ROBO1: variants seen among roughly 807,000 people sequenced by gnomAD.
ROBO1 encodes roundabout homolog 1.
ROBO1 carries 149 observed loss-of-function variants against 195.9 expected under a neutral mutation model. The ratio of observed to expected loss-of-function variants is 0.76; its 90% CI spans 0.67 to 0.87. The LOEUF is 0.87. ROBO1 is among the 40% of genes least tolerant of loss of function. The pLI is 0.00. For synonymous variants in ROBO1, 816 were observed against 733.2 expected (o/e 1.11, Z -1.82); for missense variants, 1,933 against 2,068.3 (o/e 0.93, Z 1.27).
intron 4 of ROBO1, among the ~76,000 whole-genome samples, chr3:78,829,590 G>A (rs1039507896): frequency 6.6e-6 from 1 of 152,148 alleles, no homozygotes; most frequent in Admixed American, 6.5e-5. Flanking sequence ...CATGAGGGGA[G>A]ATCTGTGATA....
rs146048426 is a variant in ROBO1 at position 79,568,967 on chromosome 3, A to G, written c.88+20857T>C. ...TATTTAACTCAATTCTTTCGACAGT[A>G]TAATACACTAAGAGGAAATAAGTTA... On this transcript the variant is annotated intron_variant, in intron 2 of 30. Transcript: ENST00000464233. Among the ~76,000 whole-genome samples, 318 of 152,322 alleles carry G rather than the reference A, an allele frequency of 2.1e-3. 1 individual carries two copies. The highest frequency in any genetic ancestry group is 7.2e-3 in the African/African-American group (301 of 41,580).
chr3:79,570,962 G>A (rs1943258403), intron 2 of ROBO1, among the ~76,000 whole-genome samples: 1 of 152,036 alleles, frequency 6.6e-6, no homozygotes, highest in Admixed American at 6.6e-5. Flanking sequence ...AAATTAGAGA[G>A]GATTATAATA....
At chr3:78,623,592 T>G (rs2107451226) in intron 26 of ROBO1, among the ~76,000 whole-genome samples, 1 of 152,268 alleles carries the variant, frequency 6.6e-6, no homozygotes, top group Middle Eastern at 3.4e-3. Flanking sequence ...AGAGACTTGA[T>G]CAGTGTTTCA....
intron 2 of ROBO1, among the ~76,000 whole-genome samples, chr3:79,370,289 C>T (rs1464311786): frequency 6.6e-6 from 1 of 151,708 alleles, no homozygotes; most frequent in South Asian, 2.1e-4. Context: ...GCCTGGGAGG[C>T]GGAGGTTGCA....
chr3:79,059,140 T>C (rs1292174789), intron 3 of ROBO1, among the ~76,000 whole-genome samples: 1 of 152,132 alleles, frequency 6.6e-6, no homozygotes, highest in East Asian at 1.9e-4. Flanking sequence ...GATTTCTTCA[T>C]CACCCCGTAT....
intron 2 of ROBO1, among the ~76,000 whole-genome samples, chr3:79,412,169 A>T (rs1308735336): frequency 6.6e-6 from 1 of 152,156 alleles, no homozygotes; most frequent in African/African-American, 2.4e-5. Flanking sequence ...AAATTTTTAA[A>T]AAGCAGGTAT....
chr3:79,581,589 C>G (rs1943662471), intron 2 of ROBO1, among the ~76,000 whole-genome samples: 1 of 152,106 alleles, frequency 6.6e-6, no homozygotes, highest in Non-Finnish European at 1.5e-5. Flanking sequence ...TTATTAAGAT[C>G]TCATCTTCAA....
intron 8 of ROBO1, among the ~76,000 whole-genome samples, chr3:78,708,153 T>C (rs533742013): frequency 3.9e-4 from 60 of 152,288 alleles, no homozygotes; most frequent in African/African-American, 1.4e-3. Context: ...GTTCACCCTG[T>C]TTAAGCAATG....
At chr3:78,864,047 T>A (rs1460783869) in intron 4 of ROBO1, among the ~76,000 whole-genome samples, 1 of 152,244 alleles carries the variant, frequency 6.6e-6, no homozygotes, top group Non-Finnish European at 1.5e-5. Context: ...TGCTGCTTTC[T>A]ATGCTATTTA....
rs71127366 is a variant in ROBO1, at chr3:78,871,742, CAAA to C, written c.499+66856_499+66858del. Among the ~76,000 whole-genome samples the C allele has an allele frequency of 2.0e-3, 228 of 111,360 alleles. 2 individuals carry two copies. Among genetic ancestry groups the C allele is most frequent in the African/African-American group, 6.9e-3 (205 of 29,712 alleles). The allele number at this position is 111,360 out of a possible 152,430, so 73.1% of individuals were successfully genotyped here. A position where few individuals can be genotyped will look rare whatever the true frequency, so the allele number is the denominator to read the frequency against. ...TATTTGCATTTATAAGCTTTCACAG[CAAA>C]AAAAAAAAAAAAAAAAGAATTTGTA... On this transcript the variant is annotated intron_variant, in intron 4 of 30. Coordinates refer to ENST00000464233, the MANE Select transcript of ROBO1 (RefSeq NM_002941.4).
At chr3:78,934,782 GATACACAC>G (rs1298344892) in intron 4 of ROBO1, among the ~76,000 whole-genome samples, 31 of 151,654 alleles carry the variant, frequency 2.0e-4, no homozygotes, top group Admixed American at 5.9e-4. Context: ...TATTTCTGAT[GATACACAC>G]ATAGACACAC....
At chr3:79,178,557 T>C (rs1161812088) in intron 2 of ROBO1, among the ~76,000 whole-genome samples, 1 of 152,028 alleles carries the variant, frequency 6.6e-6, no homozygotes, top group African/African-American at 2.4e-5. Context: ...GCTGTCAGAA[T>C]AAAATGAAGC....
rs542884997 is a variant in ROBO1 at position 79,049,588 on chromosome 3, C to T, written c.172+75868G>A. Among the ~76,000 whole-genome samples the T allele has an allele frequency of 1.1e-4, 16 of 152,102 alleles. No homozygotes were observed. In the East Asian group the frequency reaches 2.3e-3, roughly 22 times the overall value. On this transcript the variant is annotated intron_variant, in intron 3 of 30. Coordinates refer to ENST00000464233, the MANE Select transcript of ROBO1 (RefSeq NM_002941.4). ...CCTCGAGAAGAGCAACCCCAAGACA[C>T]GTAATTGTCAGATTCACCAAGGTTG...
chr3:78,716,755 G>A (rs1055197587), intron 7 of ROBO1, among the ~76,000 whole-genome samples: 27 of 152,176 alleles, frequency 1.8e-4, no homozygotes, highest in African/African-American at 6.3e-4. Flanking sequence ...GACAGTACCC[G>A]AAAGCCTTTA....
intron 2 of ROBO1, among the ~76,000 whole-genome samples, chr3:79,293,678 G>A (rs923525440): frequency 1.2e-4 from 19 of 152,184 alleles, no homozygotes; most frequent in Middle Eastern, 3.4e-3. Flanking sequence ...AATCAATATC[G>A]TGAAAATGGC....
intron 4 of ROBO1, among the ~76,000 whole-genome samples, chr3:78,863,675 C>T (rs2107034369): frequency 6.6e-6 from 1 of 152,228 alleles, no homozygotes; most frequent in East Asian, 1.9e-4. Context: ...TTCAGTCCAC[C>T]ATGTTCTTTC....
At chr3:79,157,674 T>C (rs1021564829) in intron 2 of ROBO1, among the ~76,000 whole-genome samples, 1 of 151,946 alleles carries the variant, frequency 6.6e-6, no homozygotes. Context: ...TAATTTGTTC[T>C]AAAAATTAAA....
chr3:79,620,826 G>T (rs1002511477), intron 1 of ROBO1, among the ~76,000 whole-genome samples: 1 of 151,954 alleles, frequency 6.6e-6, no homozygotes, highest in Non-Finnish European at 1.5e-5. Context: ...CTTTAAAAGG[G>T]TTAAAGCCTG....
intron 1 of ROBO1, among the ~76,000 whole-genome samples, chr3:79,717,749 T>C (rs1016281730): frequency 6.6e-6 from 1 of 152,044 alleles, no homozygotes; most frequent in African/African-American, 2.4e-5. Flanking sequence ...ACAGTGCTAT[T>C]CTGAAAAACT....
Sources: gnomAD v4.1 joint callset for allele counts (sites outside exome capture counted in the v4.1 genomes callset) on GRCh38, gnomAD v4.1.1 for gene constraint, MANE v1.5 for transcripts, NCBI Gene and HGNC (gene_info 2026-07-23, HGNC 2026-07-21) for gene names.